PIP4K2A: variants seen among roughly 807,000 people sequenced by gnomAD.
PIP4K2A encodes phosphatidylinositol-5-phosphate 4-kinase type 2 alpha, also known as phosphatidylinositol 5-phosphate 4-kinase type-2 alpha.
Under a neutral mutation model 42.9 loss-of-function variants are expected in PIP4K2A, and 14 were observed. That is an observed-to-expected ratio of 0.33 (90% CI 0.22 to 0.51). PIP4K2A has a LOEUF of 0.51. Among genes scored for constraint, PIP4K2A ranks in the 20% least tolerant of loss-of-function variants. The pLI is 0.97. For missense variants in PIP4K2A, 434 were observed against 519.8 expected (o/e 0.83, Z 1.61); for synonymous variants, 192 against 192.2 (o/e 1.00, Z 0.01).
intron 1 of PIP4K2A, among the ~76,000 whole-genome samples, chr10:22,614,798 C>G (rs1179954817): frequency 2.0e-5 from 3 of 152,168 alleles, no homozygotes; most frequent in Non-Finnish European, 4.4e-5. Flanking sequence ...TCTCCTTTAG[C>G]CTGTTACTTT....
chr10:22,682,268 T>A (rs1408895022), intron 1 of PIP4K2A, among the ~76,000 whole-genome samples: 1 of 152,230 alleles, frequency 6.6e-6, no homozygotes, highest in African/African-American at 2.4e-5. Context: ...TACTTTTCAT[T>A]AAACTTTTCT....
At chr10:22,571,129 G>A (rs1370358941) in intron 5 of PIP4K2A, among the ~76,000 whole-genome samples, 1 of 152,178 alleles carries the variant, frequency 6.6e-6, no homozygotes, top group Non-Finnish European at 1.5e-5. Context: ...CTTAAGAACT[G>A]TTTTCGTGAC....
chr10:22,565,874 T>C (rs982712689), intron 6 of PIP4K2A, among the ~76,000 whole-genome samples: 10 of 152,212 alleles, frequency 6.6e-5, no homozygotes, highest in African/African-American at 2.2e-4. Context: ...TGGTCGAAAC[T>C]GCGGAGATGA....
At position 22,693,527 on chromosome 10, in the gene PIP4K2A, A is replaced by C. The variant is rs1839914076; in HGVS notation, c.144+20656T>G. On this transcript the variant is annotated intron_variant, in intron 1 of 9. Coordinates refer to ENST00000376573, the MANE Select transcript of PIP4K2A (RefSeq NM_005028.5). ...ACAAAGCATGTGTCTATAAGAAAGC[A>C]AAAAGACAAAAACTAAAGATGATTT... is the stretch of plus-strand genomic sequence containing the variant. 1.3e-5 allele frequency among the ~76,000 whole-genome samples: 2 copies of C among 152,256 alleles called. 1 individual carries two copies. Among genetic ancestry groups the C allele is most frequent in the South Asian group, 4.1e-4 (2 of 4,838 alleles).
chr10:22,542,696 C>T (rs996888432), intron 7 of PIP4K2A, among the ~76,000 whole-genome samples: 2 of 152,224 alleles, frequency 1.3e-5, no homozygotes, highest in East Asian at 1.9e-4. Flanking sequence ...CAAGACCCAG[C>T]TCTGTGTGTT....
At chr10:22,667,232 T>C (rs1242292470) in intron 1 of PIP4K2A, among the ~76,000 whole-genome samples, 1 of 152,184 alleles carries the variant, frequency 6.6e-6, no homozygotes, top group African/African-American at 2.4e-5. Flanking sequence ...AGCAAGGAAA[T>C]TAAAATAACT....
intron 1 of PIP4K2A, among the ~76,000 whole-genome samples, chr10:22,666,876 CA>C (rs1839363252): frequency 6.6e-6 from 1 of 152,180 alleles, no homozygotes; most frequent in Non-Finnish European, 1.5e-5. Flanking sequence ...AGCATCAGAA[CA>C]ACCAACATCC....
intron 6 of PIP4K2A, among the ~76,000 whole-genome samples, chr10:22,558,666 A>C (rs572864150): frequency 1.3e-5 from 2 of 152,352 alleles, no homozygotes; most frequent in South Asian, 4.1e-4. Context: ...AGAGGTCATT[A>C]ATAACTTCTA....
chr10:22,541,441 GAT>G (rs918870448), intron 8 of PIP4K2A, among the ~76,000 whole-genome samples: 5 of 152,346 alleles, frequency 3.3e-5, no homozygotes, highest in Non-Finnish European at 7.3e-5. Context: ...AAGCATTTCT[GAT>G]GTTATTTGTG....
intron 1 of PIP4K2A, among the ~76,000 whole-genome samples, chr10:22,630,795 C>T (rs1564449142): frequency 6.6e-6 from 1 of 152,198 alleles, no homozygotes; most frequent in Non-Finnish European, 1.5e-5. Flanking sequence ...ACAGGATATG[C>T]AAATTGCAGG....
chr10:22,669,226 CA>C (rs1412595834), intron 1 of PIP4K2A, among the ~76,000 whole-genome samples: 1 of 151,686 alleles, frequency 6.6e-6, no homozygotes, highest in Non-Finnish European at 1.5e-5. Context: ...GACCGAAGAT[CA>C]AAAAAGGAAA....
At chr10:22,576,253 G>C (rs1177079689) in intron 4 of PIP4K2A, among the ~76,000 whole-genome samples, 1 of 152,196 alleles carries the variant, frequency 6.6e-6, no homozygotes, top group Non-Finnish European at 1.5e-5. Context: ...TTTCAGTGGA[G>C]GAACATTTAA....
rs191628829 is a variant in PIP4K2A at position 22,709,806 on chromosome 10, T to C, written c.144+4377A>G. On this transcript the variant is annotated intron_variant, in intron 1 of 9. Transcript: ENST00000376573. Reference sequence around the variant, plus strand: ...AAGGAGTATAAAACGACTTCCCTAATAAACTTTCTGTATGTCTGCTTGGTA... The same window carrying C: ...AAGGAGTATAAAACGACTTCCCTAACAAACTTTCTGTATGTCTGCTTGGTA... Among the ~76,000 whole-genome samples the C allele has an allele frequency of 4.5e-4, 69 of 152,276 alleles. 1 individual carries two copies. The highest frequency in any genetic ancestry group is 7.8e-4 in the Admixed American group (12 of 15,294).
chr10:22,705,827 T>G (rs1271992610), intron 1 of PIP4K2A, among the ~76,000 whole-genome samples: 2 of 151,800 alleles, frequency 1.3e-5, no homozygotes, highest in Non-Finnish European at 1.5e-5. Context: ...CTTTCCCCAT[T>G]GTATTAGTCT....
At chr10:22,603,435 C>T (rs891230239) in intron 3 of PIP4K2A, among the ~76,000 whole-genome samples, 2 of 152,014 alleles carry the variant, frequency 1.3e-5, no homozygotes, top group East Asian at 1.9e-4. Context: ...AAATCTGCAC[C>T]CCTCTTTCCA....
intron 3 of PIP4K2A, among the ~76,000 whole-genome samples, chr10:22,604,069 T>G (rs903182355): frequency 5.3e-5 from 8 of 152,136 alleles, no homozygotes; most frequent in Admixed American, 2.6e-4. Context: ...CATGGTACTG[T>G]GGTACTGTTA....
intron 3 of PIP4K2A, among the ~76,000 whole-genome samples, chr10:22,600,414 G>A (rs1837734393): frequency 6.6e-6 from 1 of 152,104 alleles, no homozygotes; most frequent in Non-Finnish European, 1.5e-5. Flanking sequence ...AGACCTGACA[G>A]CTGGGGGGCC....
intron 1 of PIP4K2A, among the ~76,000 whole-genome samples, chr10:22,691,083 A>G (rs1839857846): frequency 6.6e-6 from 1 of 152,164 alleles, no homozygotes; most frequent in Admixed American, 6.5e-5. Context: ...TGGTTTTGGT[A>G]AAGTCTTAAG....
intron 1 of PIP4K2A, among the ~76,000 whole-genome samples, chr10:22,664,152 C>CATAT (rs1350615985): frequency 2.9e-4 from 6 of 20,870 alleles, no homozygotes; most frequent in African/African-American, 2.2e-4. Flanking sequence ...CATATATATA[C>CATAT]ACATATATAT....
Sources: gnomAD v4.1 joint callset for allele counts (sites outside exome capture counted in the v4.1 genomes callset) on GRCh38, gnomAD v4.1.1 for gene constraint, MANE v1.5 for transcripts, NCBI Gene and HGNC (gene_info 2026-07-23, HGNC 2026-07-21) for gene names.